Variants in UBP1 observed in about 807,000 individuals in gnomAD.
UBP1 encodes upstream-binding protein 1.
Under a neutral mutation model 76.1 loss-of-function variants are expected in UBP1, and 22 were observed. The ratio of observed to expected loss-of-function variants is 0.29; its 90% CI spans 0.21 to 0.41. The LOEUF is 0.41. Among genes scored for constraint, UBP1 ranks in the 10% least tolerant of loss-of-function variants. The pLI is 1.00. For missense variants in UBP1, 436 were observed against 668.1 expected (o/e 0.65, Z 3.83); for synonymous variants, 224 against 237.1 (o/e 0.94, Z 0.51).
At chr3:33,394,686 G>A (rs7627452) in intron 13 of UBP1, among the ~76,000 whole-genome samples, 60,489 of 151,952 alleles carry the variant, frequency 0.4, 13,363 homozygotes, top group East Asian at 0.6. Context: ...AGGGGTCTGT[G>A]AGTATAGAAA....
chr3:33,422,747 G>A (rs1575485793), intron 2 of UBP1, among the ~76,000 whole-genome samples: 1 of 123,512 alleles, frequency 8.1e-6, no homozygotes, highest in Admixed American at 9.1e-5. Context: ...AGGGAGAGGG[G>A]GAGGGAGAGG....
At chr3:33,392,298 A>C (rs2043800460) in intron 15 of UBP1, 2 of 361,066 alleles carry the variant, frequency 5.5e-6, no homozygotes, top group Admixed American at 9.6e-5. Context: ...TGAGCGACAG[A>C]AGCACGGTGT....
At chr3:33,426,485 A>G (rs2045020313) in intron 1 of UBP1, among the ~76,000 whole-genome samples, 1 of 152,146 alleles carries the variant, frequency 6.6e-6, no homozygotes, top group Non-Finnish European at 1.5e-5. Flanking sequence ...TCTGAAATTC[A>G]GTGGTTTTAA....
intron 2 of UBP1, among the ~76,000 whole-genome samples, chr3:33,420,481 A>AGG (rs2044859352): frequency 7.0e-6 from 1 of 143,788 alleles, no homozygotes; most frequent in Admixed American, 7.1e-5. Context: ...GTGTGCCACC[A>AGG]TACTGGCTTT....
At chr3:33,417,408 C>T (rs1035890238) in intron 2 of UBP1, among the ~76,000 whole-genome samples, 7 of 151,894 alleles carry the variant, frequency 4.6e-5, no homozygotes, top group Non-Finnish European at 8.8e-5. Context: ...TTGTGCCTTG[C>T]TTTTTAAACT....
intron 8 of UBP1, among the ~76,000 whole-genome samples, chr3:33,403,913 A>G: frequency 6.6e-6 from 1 of 152,152 alleles, no homozygotes; most frequent in East Asian, 1.9e-4. Context: ...CTCATTTTAC[A>G]CAAGAAAGGC....
At chr3:33,420,927 C>T (rs777323747) in intron 2 of UBP1, among the ~76,000 whole-genome samples, 45 of 152,204 alleles carry the variant, frequency 3.0e-4, no homozygotes, top group Non-Finnish European at 5.7e-4. Context: ...TTCTTAGCAG[C>T]GTATTCTCCA....
Position 33,392,572 on chromosome 3 carries a change from T to A in UBP1, c.1576A>T (p.Thr526Ser). Residue 526 changes from threonine (T) to serine (S), a missense_variant, in exon 15 of 16, where the codon ACA becomes TCA. By Grantham distance (58) the Thr-to-Ser change is moderately conservative (BLOSUM62 1). Around this residue, in one of 3 missense-constraint regions of UBP1, gnomAD observed 210 missense variants for 272.8 expected, o/e 0.77. Transcript: ENST00000283629. ...FQDESCFLFS[T>S]VKAESSDGIH... The stretch of plus-strand genomic sequence containing the variant: ...CACACATGCAAAGTACCTTTTACTG[T>A]GGAGAATAAAAAACAACTCTCATCT... 6.2e-7 allele frequency: 1 copy of A among 1,611,898 alleles called. No homozygotes were observed.
At chr3:33,423,068 G>T (rs928285341) in intron 2 of UBP1, among the ~76,000 whole-genome samples, 1 of 149,036 alleles carries the variant, frequency 6.7e-6, no homozygotes, top group East Asian at 2.0e-4. Context: ...TTGAGACAGA[G>T]TCTCGCTCTG....
At chr3:33,414,278 AAGAGAGGGAGGAGGGCGGG>A (rs959827352) in intron 3 of UBP1, 1 of 152,118 alleles carries the variant, frequency 6.6e-6, no homozygotes. Flanking sequence ...AAGAAAAAGA[AAGAGAGGGAGGAGGGCGGG>A]AGAGAGGAAA....
chr3:33,414,403 G>A (rs1157695180), intron 3 of UBP1, among the ~76,000 whole-genome samples: 1 of 152,026 alleles, frequency 6.6e-6, no homozygotes, highest in Non-Finnish European at 1.5e-5. Context: ...AACATGTGAT[G>A]GGGCCCTAAC....
intron 1 of UBP1, among the ~76,000 whole-genome samples, chr3:33,426,356 G>A (rs772781366): frequency 1.3e-5 from 2 of 151,912 alleles, no homozygotes; most frequent in African/African-American, 4.8e-5. Context: ...GAATAACCTG[G>A]GGCACTGATT....
At chr3:33,425,996 A>AATATATGT (rs2045005644) in intron 1 of UBP1, among the ~76,000 whole-genome samples, 1 of 55,136 alleles carries the variant, frequency 1.8e-5, no homozygotes, top group Admixed American at 2.0e-4. Context: ...GGCAGCTCTG[A>AATATATGT]ATATATATAT....
At chr3:33,438,277 CA>C (rs1216182690) in intron 1 of UBP1, among the ~76,000 whole-genome samples, 2 of 152,178 alleles carry the variant, frequency 1.3e-5, no homozygotes, top group Non-Finnish European at 2.9e-5. Context: ...AACTTTTCAG[CA>C]GCAAACTTTC....
chr3:33,425,875 T>C (rs2045002176), intron 1 of UBP1, 134 bp from the exon 2 acceptor site: 7 of 768,280 alleles, frequency 9.1e-6, no homozygotes, highest in Non-Finnish European at 1.3e-5. Context: ...GTTTTTTTTT[T>C]AAGATCAGAA....
At chr3:33,433,447 G>A (rs2045149332) in intron 1 of UBP1, among the ~76,000 whole-genome samples, 1 of 149,626 alleles carries the variant, frequency 6.7e-6, no homozygotes, top group Non-Finnish European at 1.5e-5. Context: ...GAAGTCAGGA[G>A]CTCGAGACCA....
chr3:33,399,735 G>A (rs1213591006), intron 11 of UBP1, among the ~76,000 whole-genome samples: 2 of 152,106 alleles, frequency 1.3e-5, no homozygotes, highest in Non-Finnish European at 2.9e-5. Flanking sequence ...TAATTGTGGT[G>A]GTGGTTACAA....
In UBP1 at chr3:33,390,138, G is replaced by A. The variant is rs149811608; in HGVS notation, c.*193C>T. The stretch of plus-strand genomic sequence containing the variant: ...GCTGTGCCGATGTGCTCACTCTCAT[G>A]AGGATGCTTGGCTATGGCAGTGACA... On this transcript the variant is annotated 3_prime_UTR_variant, in exon 16 of 16. Coordinates refer to ENST00000283629, the MANE Select transcript of UBP1 (RefSeq NM_014517.5). The A allele has an allele frequency of 5.1e-5, 31 of 609,052 alleles. No homozygotes were observed. The African/African-American group carries it at 5.2e-4, about 10-fold the overall frequency. 37.7% of individuals were successfully genotyped at this position (609,052 alleles called of 1,614,324 possible). A position where few individuals can be genotyped will look rare whatever the true frequency, so the allele number is the denominator to read the frequency against.
chr3:33,396,353 C>A, intron 12 of UBP1, 73 bp from the exon 13 acceptor site: 1 of 1,121,716 alleles, frequency 8.9e-7, no homozygotes, highest in Non-Finnish European at 1.3e-6. Flanking sequence ...ATGACAACTA[C>A]AGGAATCTAA....
Sources: gnomAD v4.1 joint callset for allele counts (sites outside exome capture counted in the v4.1 genomes callset) on GRCh38, gnomAD v4.1.1 for gene constraint, gnomAD v4.1.1 regional missense constraint, MANE v1.5 for transcripts, NCBI Gene and HGNC (gene_info 2026-07-23, HGNC 2026-07-21) for gene names.